ZFAT: variants seen among roughly 807,000 people sequenced by gnomAD.
ZFAT encodes zinc finger and AT-hook domain containing, also known as zinc finger protein ZFAT.
In ZFAT, 64 loss-of-function variants were observed where a neutral mutation model predicts 117.7. That is an observed-to-expected ratio of 0.54 (90% CI 0.44 to 0.67). The LOEUF (loss-of-function observed/expected upper bound fraction) is 0.67. ZFAT is among the 30% of genes least tolerant of loss of function. ZFAT has a pLI of 0.00. For missense variants in ZFAT, 1,433 were observed against 1,584.5 expected (o/e 0.90, Z 1.62); for synonymous variants, 679 against 615.0 (o/e 1.10, Z -1.54).
At chr8:134,535,377 G>C (rs939764644) in intron 11 of ZFAT, among the ~76,000 whole-genome samples, 2 of 152,144 alleles carry the variant, frequency 1.3e-5, no homozygotes, top group Non-Finnish European at 2.9e-5. Flanking sequence ...ATCAAAGACA[G>C]AAACCCACAG....
the ZFAT span, chr8:134,793,674 ACCT>A: frequency 6.6e-6 from 1 of 151,378 alleles, no homozygotes; most frequent in Non-Finnish European, 1.5e-5. Context: ...CTCCCTGCTC[ACCT>A]CCTGCTGTGC....
intron 11 of ZFAT, among the ~76,000 whole-genome samples, chr8:134,548,854 C>T (rs1353950313): frequency 2.6e-5 from 4 of 152,196 alleles, no homozygotes; most frequent in African/African-American, 9.6e-5. Flanking sequence ...AGGACAGAAG[C>T]CATGTCTTCT....
the ZFAT span, among the ~76,000 whole-genome samples, chr8:134,782,329 T>A: frequency 2.0e-5 from 3 of 152,192 alleles, no homozygotes; most frequent in Admixed American, 1.3e-4. Context: ...TTCCTTTATA[T>A]TTCAAAGATC....
intron 11 of ZFAT, among the ~76,000 whole-genome samples, chr8:134,551,916 C>T (rs1429068297): frequency 6.6e-6 from 1 of 152,182 alleles, no homozygotes; most frequent in Non-Finnish European, 1.5e-5. Flanking sequence ...TACACTAATT[C>T]CCTTTGACTT....
At chr8:134,638,801 G>A (rs1830412749) in intron 2 of ZFAT, among the ~76,000 whole-genome samples, 2 of 151,920 alleles carry the variant, frequency 1.3e-5, no homozygotes. Context: ...AAGGTGGAGG[G>A]GTGTGGTCTT....
chr8:134,502,419 A>T lies in ZFAT; in HGVS notation c.3492+7200T>A, dbSNP rs147114488. On this transcript the variant is annotated intron_variant, in intron 15 of 15. Coordinates refer to ENST00000377838, the MANE Select transcript of ZFAT (RefSeq NM_020863.4). ...CAGGCAACTGGTGTATATGGTCTCC[A>T]CTGAAGTAGAGTGCCTTTTCTTGCA... Among the ~76,000 whole-genome samples, 781 of 152,376 alleles carry T rather than the reference A, an allele frequency of 5.1e-3. 6 individuals are homozygous for T. The highest frequency in any genetic ancestry group is 0.017 in the Middle Eastern group (5 of 294).
the ZFAT span, among the ~76,000 whole-genome samples, chr8:134,829,802 T>C: frequency 4.6e-5 from 7 of 152,070 alleles, no homozygotes; most frequent in African/African-American, 1.7e-4. Flanking sequence ...TCAAGCAAGC[T>C]CTAAAAATGT....
At chr8:134,572,484 T>C (rs1824990537) in intron 10 of ZFAT, among the ~76,000 whole-genome samples, 1 of 152,220 alleles carries the variant, frequency 6.6e-6, no homozygotes, top group Non-Finnish European at 1.5e-5. Flanking sequence ...CTTCTGAACC[T>C]GAAAGTTCAC....
At chr8:134,712,765 C>T in intron 1 of ZFAT, 80 bp downstream of exon 1, 2 of 1,396,960 alleles carry the variant, frequency 1.4e-6, no homozygotes, top group Non-Finnish European at 1.9e-6. Flanking sequence ...CTTCCCGACT[C>T]GACGCTCGAA....
At position 134,689,612 on chromosome 8, in the gene ZFAT, G is replaced by A. The variant is rs144991828; in HGVS notation, c.19+23233C>T. Among the ~76,000 whole-genome samples the A allele has an allele frequency of 7.6e-4, 116 of 152,362 alleles. No individual in the cohort carries two copies. In the East Asian group the frequency reaches 0.016, roughly 21 times the overall value. On this transcript the variant is annotated intron_variant, in intron 1 of 15. Coordinates refer to ENST00000377838, the MANE Select transcript of ZFAT (RefSeq NM_020863.4). ...AGGGAGCCATGAAAGAGAAAAACAA[G>A]TAGCATTTCCAGCAGTCAAGGTATT... is the stretch of plus-strand genomic sequence containing the variant.
chr8:134,575,594 A>G (rs984991927), intron 10 of ZFAT, among the ~76,000 whole-genome samples: 1 of 152,188 alleles, frequency 6.6e-6, no homozygotes, highest in African/African-American at 2.4e-5. Flanking sequence ...GTAATTTGTT[A>G]CAGGAGTCAC....
chr8:134,512,627 C>A, intron 13 of ZFAT, 26 bp from the exon 14 acceptor site: 2 of 1,605,290 alleles, frequency 1.2e-6, no homozygotes, highest in South Asian at 2.2e-5. Flanking sequence ...GTACCTAAGT[C>A]ATCTCCTAAA....
chr8:134,787,459 T>A, the ZFAT span, among the ~76,000 whole-genome samples: 1 of 152,360 alleles, frequency 6.6e-6, no homozygotes, highest in African/African-American at 2.4e-5. Flanking sequence ...CCTAAATGTG[T>A]GGATCACCAC....
intron 2 of ZFAT, among the ~76,000 whole-genome samples, chr8:134,648,259 A>AG (rs1437592684): frequency 1.3e-5 from 2 of 150,014 alleles, no homozygotes; most frequent in African/African-American, 5.0e-5. Context: ...TTCCAACCTA[A>AG]GAAAAAAAAA....
the ZFAT span, among the ~76,000 whole-genome samples, chr8:134,777,346 T>C: frequency 9.2e-5 from 14 of 152,314 alleles, no homozygotes; most frequent in African/African-American, 2.9e-4. Context: ...GCACTTCTTC[T>C]TGCTTCCTGT....
the ZFAT span, among the ~76,000 whole-genome samples, chr8:134,807,395 A>G: frequency 6.6e-6 from 1 of 152,188 alleles, no homozygotes; most frequent in African/African-American, 2.4e-5. Context: ...TAAGAAAACA[A>G]TTAACAGGAA....
At chr8:134,583,271 A>G (rs935972264) in intron 10 of ZFAT, among the ~76,000 whole-genome samples, 1 of 152,130 alleles carries the variant, frequency 6.6e-6, no homozygotes, top group Non-Finnish European at 1.5e-5. Context: ...TATCCCTAGA[A>G]CCTACCTCCC....
At chr8:134,653,415 ATC>A (rs1831396674) in intron 2 of ZFAT, among the ~76,000 whole-genome samples, 1 of 80,464 alleles carries the variant, frequency 1.2e-5, no homozygotes, top group Admixed American at 1.4e-4. Context: ...AAGCCGTTTT[ATC>A]TGTTTTTTTT....
At chr8:134,815,176 T>A in the ZFAT span, among the ~76,000 whole-genome samples, 2 of 152,218 alleles carry the variant, frequency 1.3e-5, no homozygotes, top group Non-Finnish European at 2.9e-5. Context: ...GAGTTGTACT[T>A]TTTACTGCTA....
Sources: gnomAD v4.1 joint callset for allele counts (sites outside exome capture counted in the v4.1 genomes callset) on GRCh38, gnomAD v4.1.1 for gene constraint, MANE v1.5 for transcripts, NCBI Gene and HGNC (gene_info 2026-07-23, HGNC 2026-07-21) for gene names.